Variants in CMTM7 observed in about 807,000 individuals in gnomAD.
CMTM7 encodes the protein CKLF-like MARVEL transmembrane domain-containing protein 7.
A neutral mutation model predicts 19.3 loss-of-function variants in CMTM7; 7 were observed. That is an observed-to-expected ratio of 0.36 (90% confidence interval 0.21 to 0.68). The LOEUF is 0.68. Ranked by LOEUF, CMTM7 falls within the 30% of genes least tolerant of loss-of-function variation. The pLI is 0.60. For missense variants in CMTM7, 193 were observed against 232.6 expected (o/e 0.83, Z 1.11); for synonymous variants, 87 against 99.3 (o/e 0.88, Z 0.74).
intron 1 of CMTM7, among the ~76,000 whole-genome samples, chr3:32,406,489 C>G (rs1209923720): frequency 6.6e-6 from 1 of 152,186 alleles, no homozygotes; most frequent in Non-Finnish European, 1.5e-5. Flanking sequence ...TCTTCCATGT[C>G]TGCTGTCATG....
intron 1 of CMTM7, among the ~76,000 whole-genome samples, chr3:32,438,941 AC>A (rs1456769601): frequency 6.6e-6 from 1 of 152,188 alleles, no homozygotes; most frequent in African/African-American, 2.4e-5. Flanking sequence ...TTGCCTCTCT[AC>A]CTAGGAATCA....
intron 1 of CMTM7, among the ~76,000 whole-genome samples, chr3:32,406,384 C>T (rs7634427): frequency 0.25 from 38,669 of 152,132 alleles, 5,621 homozygotes; most frequent in African/African-American, 0.38. Context: ...AGGACCTGCA[C>T]CCAATGTTGC....
intron 1 of CMTM7, among the ~76,000 whole-genome samples, chr3:32,432,289 C>T (rs1368571214): frequency 6.6e-6 from 1 of 152,216 alleles, no homozygotes; most frequent in Admixed American, 6.5e-5. Context: ...CCACTTGCCT[C>T]CTCCCACCAC....
chr3:32,452,194 C>G, intron 3 of CMTM7, 198 bp from the exon 4 acceptor site: 1 of 1,504,786 alleles, frequency 6.6e-7, no homozygotes, highest in South Asian at 1.2e-5. Context: ...ACCTGGAGGA[C>G]TGGGGCCAGT....
At chr3:32,421,290 C>G (rs1469301340) in intron 1 of CMTM7, among the ~76,000 whole-genome samples, 1 of 152,168 alleles carries the variant, frequency 6.6e-6, no homozygotes, top group African/African-American at 2.4e-5. Flanking sequence ...CCTAGCATAT[C>G]TACTTCCTCA....
chr3:32,396,270 C>A lies in CMTM7; in HGVS notation c.159+4205C>A, dbSNP rs1165266502. Among the ~76,000 whole-genome samples, 4 of 151,970 alleles carry A rather than the reference C, an allele frequency of 2.6e-5. No individual in the cohort carries two copies. In the South Asian group the frequency reaches 8.3e-4, roughly 32 times the overall value. On this transcript the variant is annotated intron_variant, in intron 1 of 4. Coordinates refer to ENST00000334983, the MANE Select transcript of CMTM7 (RefSeq NM_138410.4). ...CCTGTAATCCCAGCACTTTGGGAGG[C>A]TGAGGTGGGTGGATCACCTGAGGTC...
At chr3:32,411,986 G>C (rs2125625645) in intron 1 of CMTM7, among the ~76,000 whole-genome samples, 2 of 152,308 alleles carry the variant, frequency 1.3e-5, no homozygotes, top group Middle Eastern at 3.4e-3. Flanking sequence ...CCAGAGTTGG[G>C]AGAAAAAGTA....
intron 1 of CMTM7, among the ~76,000 whole-genome samples, chr3:32,430,365 T>A (rs1350811961): frequency 6.6e-6 from 1 of 152,148 alleles, no homozygotes; most frequent in African/African-American, 2.4e-5. Flanking sequence ...GCTTATGCCT[T>A]TATAAAATCA....
intron 1 of CMTM7, among the ~76,000 whole-genome samples, chr3:32,392,679 G>A (rs1183242949): frequency 1.3e-5 from 2 of 152,214 alleles, no homozygotes; most frequent in African/African-American, 2.4e-5. Context: ...CGGGTCTCAG[G>A]GGGCTCTGGA....
rs1559417240 is a variant in CMTM7 at position 32,454,535 on chromosome 3, C to G, written c.*281C>G. On this transcript the variant is annotated 3_prime_UTR_variant, in exon 5 of 5. Transcript: ENST00000334983. Reference sequence around the variant, plus strand: ...TTTTCTGCCTTCCTGCTTCTAGAACCACCTCAGGTACTGATGAACCCCACT... The same window carrying G: ...TTTTCTGCCTTCCTGCTTCTAGAACGACCTCAGGTACTGATGAACCCCACT... 1 of 662,370 alleles carries G rather than the reference C, an allele frequency of 1.5e-6. No individual in the cohort carries two copies. 41.0% of individuals were successfully genotyped at this position (662,370 alleles called of 1,614,324 possible).
chr3:32,445,147 T>A lies in CMTM7; in HGVS notation c.333+3134T>A, dbSNP rs114651518. ...CATAGGATATTCTGTAAACATGATCTGCAAATAGAGATATTTTTACTTCTT... is the reference window on the plus strand; with the variant it reads ...CATAGGATATTCTGTAAACATGATCAGCAAATAGAGATATTTTTACTTCTT... On this transcript the variant is annotated intron_variant, in intron 2 of 4. Coordinates refer to ENST00000334983, the MANE Select transcript of CMTM7 (RefSeq NM_138410.4). Among the ~76,000 whole-genome samples, 1,141 of 152,356 alleles carry A rather than the reference T, an allele frequency of 7.5e-3. 15 individuals carry two copies. The highest frequency in any genetic ancestry group is 0.026 in the African/African-American group (1,074 of 41,592).
intron 1 of CMTM7, among the ~76,000 whole-genome samples, chr3:32,398,489 C>T (rs192289670): frequency 6.6e-6 from 1 of 152,178 alleles, no homozygotes; most frequent in African/African-American, 2.4e-5. Flanking sequence ...GAGCCCCTGC[C>T]TCTTTATACT....
chr3:32,409,106 C>G (rs1696135450), intron 1 of CMTM7, among the ~76,000 whole-genome samples: 1 of 152,114 alleles, frequency 6.6e-6, no homozygotes, highest in Non-Finnish European at 1.5e-5. Flanking sequence ...TGGTCTCCAT[C>G]TCTTTCCCTC....
chr3:32,413,015 A>T (rs1696201944), intron 1 of CMTM7, among the ~76,000 whole-genome samples: 2 of 152,342 alleles, frequency 1.3e-5, no homozygotes, highest in African/African-American at 4.8e-5. Flanking sequence ...GAACATTTTC[A>T]GGGGTTGGCA....
intron 1 of CMTM7, among the ~76,000 whole-genome samples, chr3:32,410,519 G>A (rs968493455): frequency 7.9e-5 from 12 of 152,228 alleles, no homozygotes; most frequent in African/African-American, 2.9e-4. Flanking sequence ...AGGGGGCTGG[G>A]GTGTGGGCCC....
chr3:32,408,195 G>A (rs1458917986), intron 1 of CMTM7, among the ~76,000 whole-genome samples: 1 of 152,198 alleles, frequency 6.6e-6, no homozygotes, highest in Admixed American at 6.5e-5. Flanking sequence ...TCAGCCCAAT[G>A]ATAGCGATTT....
At chr3:32,443,336 T>C (rs1010370531) in intron 2 of CMTM7, among the ~76,000 whole-genome samples, 16 of 152,078 alleles carry the variant, frequency 1.1e-4, no homozygotes, top group African/African-American at 3.6e-4. Flanking sequence ...ACTCCTGGCC[T>C]TAAGCAATCC....
At chr3:32,394,807 T>C (rs898484409) in intron 1 of CMTM7, among the ~76,000 whole-genome samples, 98 of 151,948 alleles carry the variant, frequency 6.4e-4, no homozygotes, top group African/African-American at 2.3e-3. Context: ...TCAAATCTCC[T>C]GTCTCAGCCT....
At chr3:32,415,017 G>A (rs1696238712) in intron 1 of CMTM7, among the ~76,000 whole-genome samples, 1 of 152,034 alleles carries the variant, frequency 6.6e-6, no homozygotes, top group African/African-American at 2.4e-5. Flanking sequence ...AGAGGCCAAG[G>A]TTGTCCACAG....
Sources: allele counts gnomAD v4.1 joint callset (sites outside exome capture counted in the v4.1 genomes callset), GRCh38; gene constraint gnomAD v4.1.1; transcripts MANE v1.5; gene names NCBI Gene and HGNC (gene_info 2026-07-23, HGNC 2026-07-21).